Variants in AREL1 observed in about 807,000 individuals in gnomAD.
AREL1 encodes apoptosis-resistant E3 ubiquitin protein ligase 1.
AREL1 carries 62 observed loss-of-function variants against 99.0 expected under a neutral mutation model. The observed-to-expected ratio is 0.63, with a 90% CI of 0.51 to 0.77. AREL1 has a LOEUF of 0.77. AREL1 is among the 30% of genes least tolerant of loss of function. The probability of loss-of-function intolerance (pLI) is 0.00; values close to 1 mark genes in which losing one functional copy is unlikely to be tolerated. For synonymous variants in AREL1, 380 were observed against 376.5 expected (o/e 1.01, Z -0.11); for missense variants, 879 against 1,027.6 (o/e 0.86, Z 1.98).
chr14:74,697,859 C>T (rs1222815088), intron 1 of AREL1, among the ~76,000 whole-genome samples: 2 of 152,048 alleles, frequency 1.3e-5, no homozygotes, highest in Non-Finnish European at 1.5e-5. Context: ...ACTGTGCTGC[C>T]GTATTAGACT....
Position 74,676,563 on chromosome 14 carries a change from A to G in AREL1, c.651+20T>C. On this transcript the variant is annotated intron_variant, in intron 6 of 19. Coordinates refer to ENST00000356357, the MANE Select transcript of AREL1 (RefSeq NM_001039479.2). ...AGCCAGCTCTCTCTAGCACACAGAT[A>G]AAGAAGGGAGACTGCTTACCTCATG... is the stretch of plus-strand genomic sequence containing the variant. 6.2e-7 allele frequency: 1 copy of G among 1,608,408 alleles called. No homozygotes were observed. The highest frequency in any genetic ancestry group is 8.5e-7 in the Non-Finnish European group (1 of 1,177,556).
intron 2 of AREL1, 70 bp from the exon 3 acceptor site, chr14:74,685,730 G>C (rs1240755947): frequency 1.3e-5 from 18 of 1,412,048 alleles, no homozygotes; most frequent in Non-Finnish European, 1.5e-5. Flanking sequence ...GTAAGACAAA[G>C]AAGAGTGTAT....
chr14:74,690,264 C>CAAAAAA (rs5809676), intron 2 of AREL1, among the ~76,000 whole-genome samples: 51 of 73,078 alleles, frequency 7.0e-4, no homozygotes, highest in African/African-American at 2.9e-3. Flanking sequence ...ACCCTGTCTC[C>CAAAAAA]AAAAAAAAAA....
Position 74,662,671 on chromosome 14 carries a change from G to A in AREL1, c.*1049C>T, listed in dbSNP as rs73301904. Reference sequence around the variant, plus strand: ...CCATGTTCATCCCTAGTGTCCTGACGCCAAGGACCTGTGATAAGCACGTAA... The same window carrying A: ...CCATGTTCATCCCTAGTGTCCTGACACCAAGGACCTGTGATAAGCACGTAA... On this transcript the variant is annotated 3_prime_UTR_variant, in exon 20 of 20. Coordinates refer to ENST00000356357, the MANE Select transcript of AREL1 (RefSeq NM_001039479.2). The A allele has an allele frequency of 8.1e-3, 3,211 of 398,344 alleles. 94 individuals are homozygous for A. The highest frequency in any genetic ancestry group is 0.06 in the African/African-American group (2,923 of 48,628). The allele number at this position is 398,344 out of a possible 1,614,324, so 24.7% of individuals were successfully genotyped here.
chr14:74,699,369 G>T (rs1476140583), intron 1 of AREL1, among the ~76,000 whole-genome samples: 1 of 129,918 alleles, frequency 7.7e-6, no homozygotes, highest in Non-Finnish European at 1.7e-5. Context: ...GTGTGTGTGT[G>T]TGTGTGTGAG....
intron 17 of AREL1, among the ~76,000 whole-genome samples, chr14:74,666,742 CAG>C (rs1431249373): frequency 3.7e-4 from 50 of 135,398 alleles, no homozygotes; most frequent in Non-Finnish European, 4.6e-4. Context: ...TTTTTTGAGA[CAG>C]AGTCTTACTC....
chr14:74,694,699 G>A lies in AREL1; in HGVS notation c.-333-2371C>T, dbSNP rs117070072. ...TATCCTTTTTTCAAATAAGAAAATGGTATAAAGAGGCTGGGCACGGTGGCT... is the reference window on the plus strand; with the variant it reads ...TATCCTTTTTTCAAATAAGAAAATGATATAAAGAGGCTGGGCACGGTGGCT... On this transcript the variant is annotated intron_variant, in intron 1 of 19. Coordinates refer to ENST00000356357, the MANE Select transcript of AREL1 (RefSeq NM_001039479.2). Among the ~76,000 whole-genome samples, 972 of 152,120 alleles carry A rather than the reference G, an allele frequency of 6.4e-3. 8 individuals are homozygous for A. Among genetic ancestry groups the A allele is most frequent in the South Asian group, 0.029 (140 of 4,810 alleles).
At chr14:74,693,451 T>C (rs972864040) in intron 1 of AREL1, among the ~76,000 whole-genome samples, 5 of 152,182 alleles carry the variant, frequency 3.3e-5, no homozygotes, top group Non-Finnish European at 5.9e-5. Context: ...AGGGGGTTTA[T>C]GGCAATGCAT....
intron 5 of AREL1, among the ~76,000 whole-genome samples, chr14:74,680,808 G>A (rs1301665096): frequency 1.3e-5 from 2 of 152,160 alleles, no homozygotes; most frequent in Non-Finnish European, 2.9e-5. Context: ...AGCATTTAGG[G>A]TTTCAGATTT....
intron 1 of AREL1, among the ~76,000 whole-genome samples, chr14:74,709,867 A>C (rs578110695): frequency 6.6e-6 from 1 of 152,370 alleles, no homozygotes; most frequent in South Asian, 2.1e-4. Flanking sequence ...ATAATTTTAC[A>C]AAGAAATTTG....
At chr14:74,681,522 C>T (rs913495871) in intron 5 of AREL1, among the ~76,000 whole-genome samples, 1 of 152,030 alleles carries the variant, frequency 6.6e-6, no homozygotes, top group African/African-American at 2.4e-5. Flanking sequence ...TGCCTGTAAT[C>T]CCAGCACTTT....
Position 74,662,252 on chromosome 14 carries a change from C to T in AREL1, c.*1468G>A. On this transcript the variant is annotated 3_prime_UTR_variant, in exon 20 of 20. Coordinates refer to ENST00000356357, the MANE Select transcript of AREL1 (RefSeq NM_001039479.2). The stretch of plus-strand genomic sequence containing the variant: ...GCTTGTTCCTCATGATCCCTGCGAA[C>T]AGGAGGGCTCAGACATGCTTCCAGG... 1 of 244,980 alleles carries T rather than the reference C, an allele frequency of 4.1e-6. No homozygotes were observed. Among genetic ancestry groups the T allele is most frequent in the Non-Finnish European group, 7.8e-6 (1 of 128,562 alleles). The allele number at this position is 244,980 out of a possible 1,614,324, so 15.2% of individuals were successfully genotyped here. A position where few individuals can be genotyped will look rare whatever the true frequency, so the allele number is the denominator to read the frequency against.
Position 74,669,712 on chromosome 14 carries a change from G to C in AREL1, c.1851C>G (p.Asp617Glu). The C allele has an allele frequency of 6.2e-7, 1 of 1,614,120 alleles. No homozygotes were observed. ...KSKVCFILNN[D>E]MSEMELVFAE... ...CAAAGACCAGCTCCATCTCACTCAT[G>C]TCATTGTTGAGGATAAAACAAACTT... The change falls in exon 15 of 20, where the codon GAC becomes GAG. Residue 617 changes from aspartate (D) to glutamate (E), a missense_variant. Asp to Glu is a conservative substitution (Grantham distance 45). Transcript: ENST00000356357.
At chr14:74,709,529 A>G (rs2090244258) in intron 1 of AREL1, among the ~76,000 whole-genome samples, 1 of 152,202 alleles carries the variant, frequency 6.6e-6, no homozygotes. Context: ...ATTGCCCAGG[A>G]CAGAATGGGC....
In AREL1 at chr14:74,669,727, A is replaced by G. The variant is rs2089288117; in HGVS notation, c.1836T>C (p.Phe612=). 6.2e-7 allele frequency: 1 copy of G among 1,614,096 alleles called. No homozygotes were observed. Among genetic ancestry groups the G allele is most frequent in the African/African-American group, 1.3e-5 (1 of 74,942 alleles). ...TCTCACTCATGTCATTGTTGAGGAT[A>G]AAACAAACTTTAGATTTGTAGAATT... The part of the protein sequence containing the change: ...DPEFYKSKVC[F]ILNNDMSEME... The change falls in exon 15 of 20, where the codon TTT becomes TTC. Residue 612 remains phenylalanine (F), a synonymous_variant. Coordinates refer to ENST00000356357, the MANE Select transcript of AREL1 (RefSeq NM_001039479.2).
At chr14:74,682,613 G>A (rs780802289) in intron 5 of AREL1, among the ~76,000 whole-genome samples, 18 of 152,172 alleles carry the variant, frequency 1.2e-4, no homozygotes, top group African/African-American at 2.4e-4. Context: ...CCTCCAAATC[G>A]CATGTTGAAA....
At chr14:74,708,747 C>T (rs1246021995) in intron 1 of AREL1, among the ~76,000 whole-genome samples, 1 of 152,218 alleles carries the variant, frequency 6.6e-6, no homozygotes, top group African/African-American at 2.4e-5. Context: ...AATTGCTCAA[C>T]TATTCAAGAT....
At chr14:74,706,488 G>C (rs1036271553) in intron 1 of AREL1, among the ~76,000 whole-genome samples, 5 of 152,142 alleles carry the variant, frequency 3.3e-5, no homozygotes, top group Admixed American at 6.5e-5. Context: ...GCATTTTGTA[G>C]TTAAGATTCC....
At chr14:74,679,472 A>G (rs2089577727) in intron 5 of AREL1, among the ~76,000 whole-genome samples, 2 of 152,330 alleles carry the variant, frequency 1.3e-5, no homozygotes, top group African/African-American at 4.8e-5. Flanking sequence ...TTTGCAGACC[A>G]TATGTTTAAC....
Sources: allele counts gnomAD v4.1 joint callset (sites outside exome capture counted in the v4.1 genomes callset), GRCh38; gene constraint gnomAD v4.1.1; transcripts MANE v1.5; gene names NCBI Gene and HGNC (gene_info 2026-07-23, HGNC 2026-07-21).